The following TBC1D31 variants were observed in gnomAD, a reference collection of about 807,000 sequenced individuals.
The protein encoded by TBC1D31 is TBC1 domain family member 31.
TBC1D31 carries 99 observed loss-of-function variants against 132.9 expected under a neutral mutation model. The ratio of observed to expected loss-of-function variants is 0.74; its 90% confidence interval spans 0.63 to 0.88. TBC1D31 has a LOEUF of 0.88. TBC1D31 is among the 40% of genes least tolerant of loss of function. The pLI is 0.00. For synonymous variants in TBC1D31, 385 were observed against 419.4 expected, an observed-to-expected ratio of 0.92 and a Z score of 1.00; for missense variants, 1,134 against 1,256.6, an observed-to-expected ratio of 0.90 and a Z score of 1.48.
the TBC1D31 span, among the ~76,000 whole-genome samples, chr8:123,157,238 G>A: frequency 2.0e-5 from 3 of 152,210 alleles, no homozygotes; most frequent in South Asian, 2.1e-4. Flanking sequence ...TGTGCCCCGT[G>A]TGAGGATCGA....
the TBC1D31 span, among the ~76,000 whole-genome samples, chr8:123,161,690 T>A: frequency 2.0e-5 from 3 of 152,078 alleles, no homozygotes; most frequent in East Asian, 3.9e-4. Context: ...GTGATTTTTT[T>A]AAAATATAAA....
chr8:123,120,282 A>T lies in TBC1D31; in HGVS notation c.1570+94A>T, dbSNP rs1052060593. The T allele has an allele frequency of 1.6e-5, 16 of 1,019,192 alleles. No homozygotes were observed. The Admixed American group carries it at 1.6e-4, about 10-fold the overall frequency. The allele number at this position is 1,019,192 out of a possible 1,614,324, so 63.1% of individuals were successfully genotyped here. ...CCTTTGCAACATTTAACAATTCTAG[A>T]TGTCTCTACTTTTAAGTCACGAAAG... On this transcript the variant is annotated intron_variant, in intron 11 of 21. Transcript: ENST00000287380.
Position 123,109,586 on chromosome 8 carries a change from A to G in TBC1D31, c.1402A>G (p.Ile468Val). ...TCTCAACCTTCAGAAGAAATACCCC[A>G]TCAAAAGTAGGAAGCTACTCAGAGT... ...AFLNLQKKYP[I>V]KSRKLLRVLQ... The change falls in exon 10 of 22, where the codon ATC becomes GTC. Residue 468 changes from isoleucine to valine, a missense_variant. Coordinates refer to ENST00000287380, the MANE Select transcript of TBC1D31 (RefSeq NM_145647.4). 2 of 1,613,902 alleles carry G rather than the reference A, an allele frequency of 1.2e-6. No individual in the cohort carries two copies. Among genetic ancestry groups the G allele is most frequent in the Non-Finnish European group, 1.7e-6 (2 of 1,179,932 alleles).
intron 4 of TBC1D31, among the ~76,000 whole-genome samples, chr8:123,086,985 G>A (rs1241095489): frequency 6.6e-6 from 1 of 152,214 alleles, no homozygotes; most frequent in African/African-American, 2.4e-5. Flanking sequence ...CCAAAGTGCT[G>A]GGATTACAGG....
the TBC1D31 span, among the ~76,000 whole-genome samples, chr8:123,162,936 G>A: frequency 1.1e-3 from 169 of 152,032 alleles, no homozygotes; most frequent in African/African-American, 3.7e-3. Flanking sequence ...AGATTCAAGC[G>A]ATTCTCCTGC....
intron 10 of TBC1D31, among the ~76,000 whole-genome samples, chr8:123,117,897 C>A (rs1480104195): frequency 1.3e-5 from 2 of 152,102 alleles, no homozygotes; most frequent in Non-Finnish European, 2.9e-5. Context: ...CACTACACTC[C>A]AGCCTGGGCA....
chr8:123,149,235 C>T (rs1822550085), intron 20 of TBC1D31, among the ~76,000 whole-genome samples: 1 of 150,276 alleles, frequency 6.7e-6, no homozygotes, highest in Admixed American at 6.7e-5. Context: ...TTCCAGTCCC[C>T]CACCAGTTCA....
At chr8:123,077,533 A>T (rs1421021815) in intron 2 of TBC1D31, among the ~76,000 whole-genome samples, 1 of 143,474 alleles carries the variant, frequency 7.0e-6, no homozygotes, top group East Asian at 2.0e-4. Flanking sequence ...ATTATTGCTA[A>T]TTTTTTTTTT....
the TBC1D31 span, among the ~76,000 whole-genome samples, chr8:123,159,885 A>G: frequency 1.2e-4 from 18 of 152,358 alleles, no homozygotes; most frequent in Admixed American, 8.5e-4. Context: ...TCTTTTTAAA[A>G]AAAATACACT....
intron 3 of TBC1D31, 76 bp downstream of exon 3, chr8:123,082,893 G>A: frequency 9.7e-7 from 1 of 1,026,758 alleles, no homozygotes; most frequent in Non-Finnish European, 1.5e-6. Flanking sequence ...TTATCACTCT[G>A]TACAGCTTGA....
rs75815055 is a variant in TBC1D31 at position 123,106,839 on chromosome 8, A to T, written c.1209+1375A>T. Reference sequence around the variant, plus strand: ...AGCTATAATATATTAAAGTGAAAGGATGCAAAGCAAAATCAGCAAAGGGAA... The same window carrying T: ...AGCTATAATATATTAAAGTGAAAGGTTGCAAAGCAAAATCAGCAAAGGGAA... On this transcript the variant is annotated intron_variant, in intron 8 of 21. Transcript: ENST00000287380. 6.4e-4 allele frequency among the ~76,000 whole-genome samples: 98 copies of T among 152,348 alleles called. 4 individuals are homozygous for T. The East Asian group carries it at 0.018, about 28-fold the overall frequency.
At chr8:123,159,152 TCTA>T in the TBC1D31 span, among the ~76,000 whole-genome samples, 1 of 151,542 alleles carries the variant, frequency 6.6e-6, no homozygotes, top group Non-Finnish European at 1.5e-5. Flanking sequence ...AACGGTCCTG[TCTA>T]CCACAATTAC....
intron 4 of TBC1D31, among the ~76,000 whole-genome samples, chr8:123,089,342 T>C (rs1025021171): frequency 6.6e-6 from 1 of 152,220 alleles, no homozygotes; most frequent in Admixed American, 6.5e-5. Context: ...GCTGGTTGTA[T>C]AGTAAGTGCT....
intron 20 of TBC1D31, among the ~76,000 whole-genome samples, chr8:123,145,474 T>A (rs1264057149): frequency 6.6e-6 from 1 of 152,166 alleles, no homozygotes; most frequent in Non-Finnish European, 1.5e-5. Flanking sequence ...TATTCAAGTA[T>A]CACATGGAAA....
intron 16 of TBC1D31, among the ~76,000 whole-genome samples, chr8:123,131,762 GC>G (rs1820653857): frequency 7.3e-6 from 1 of 137,280 alleles, no homozygotes; most frequent in African/African-American, 2.7e-5. Context: ...AACAGTTTCA[GC>G]TGTTTTAAGT....
intron 21 of TBC1D31, among the ~76,000 whole-genome samples, chr8:123,150,467 GA>G (rs905666330): frequency 5.9e-5 from 9 of 152,126 alleles, no homozygotes; most frequent in Non-Finnish European, 1.3e-4. Context: ...ACATCCTTGT[GA>G]AAAAAAATCT....
chr8:123,130,071 G>A (rs775743503), intron 15 of TBC1D31, 127 bp from the exon 16 acceptor site: 38 of 954,022 alleles, frequency 4.0e-5, no homozygotes, highest in East Asian at 2.2e-4. Flanking sequence ...AGCAGTTCTC[G>A]CATTCTTCTT....
chr8:123,114,769 G>A (rs1446735452), intron 10 of TBC1D31, among the ~76,000 whole-genome samples: 1 of 152,142 alleles, frequency 6.6e-6, no homozygotes, highest in African/African-American at 2.4e-5. Context: ...ACTTGCTAGA[G>A]GTAATTGTTT....
chr8:123,084,484 A>G (rs57815619), intron 4 of TBC1D31, 144 bp downstream of exon 4: 79,253 of 711,988 alleles, frequency 0.11, 5,274 homozygotes, highest in African/African-American at 0.18. Context: ...AGTGGCCAAC[A>G]CAAAGATGTT....
Sources: gnomAD v4.1 joint callset for allele counts (sites outside exome capture counted in the v4.1 genomes callset) on GRCh38, gnomAD v4.1.1 for gene constraint, MANE v1.5 for transcripts, NCBI Gene and HGNC (gene_info 2026-07-23, HGNC 2026-07-21) for gene names.